Variants in CCDC191 observed in about 807,000 individuals in gnomAD.
The protein encoded by CCDC191 is coiled-coil domain-containing protein 191.
Under a neutral mutation model 114.0 loss-of-function variants are expected in CCDC191, and 99 were observed. The observed-to-expected ratio is 0.87, with a 90% CI of 0.74 to 1.03. The LOEUF is 1.03. Ranked by LOEUF, CCDC191 falls within the 50% of genes least tolerant of loss-of-function variation. CCDC191 has a pLI of 0.00. For synonymous variants in CCDC191, 351 were observed against 376.0 expected (o/e 0.93, Z 0.77); for missense variants, 973 against 1,087.0 (o/e 0.90, Z 1.47).
chr3:114,014,586 C>G (rs951133927), intron 8 of CCDC191, among the ~76,000 whole-genome samples: 1 of 152,208 alleles, frequency 6.6e-6, no homozygotes, highest in African/African-American at 2.4e-5. Context: ...CCTGTTCCTA[C>G]GCAAGACTGC....
At chr3:114,047,885 G>A (rs1055284425) in intron 2 of CCDC191, among the ~76,000 whole-genome samples, 1 of 152,106 alleles carries the variant, frequency 6.6e-6, no homozygotes, top group Non-Finnish European at 1.5e-5. Context: ...TGAGGCATGA[G>A]AATCACTTGA....
intron 1 of CCDC191, among the ~76,000 whole-genome samples, chr3:114,055,234 C>CT (rs537790849): frequency 6.4e-4 from 98 of 152,220 alleles, no homozygotes; most frequent in African/African-American, 2.3e-3. Flanking sequence ...ATGTTTTTAC[C>CT]TTTTTTTCTC....
rs2076460279 is a variant in CCDC191, at chr3:114,034,917, T to C, written c.818+8A>G. The C allele has an allele frequency of 3.7e-6, 6 of 1,612,644 alleles. No individual in the cohort carries two copies. Among genetic ancestry groups the C allele is most frequent in the South Asian group, 1.1e-5 (1 of 90,962 alleles). ...AGAAACCCCACAGTGCTTATCACAC[T>C]GGCTTACATTTTCCATGCTGCTTTC... On this transcript the variant is annotated splice_region_variant and intron_variant, in intron 6 of 16. Transcript: ENST00000295878.
chr3:114,038,335 G>A (rs2076514479), intron 4 of CCDC191, among the ~76,000 whole-genome samples: 1 of 152,144 alleles, frequency 6.6e-6, no homozygotes, highest in African/African-American at 2.4e-5. Flanking sequence ...ATATGAAGGT[G>A]GCCCCATAAG....
In CCDC191 at chr3:114,019,062, A is replaced by C. The variant is rs2076207619; in HGVS notation, c.973-194T>G. Among the ~76,000 whole-genome samples the C allele has an allele frequency of 1.3e-5, 2 of 152,176 alleles. 1 individual carries two copies. Among genetic ancestry groups the C allele is most frequent in the African/African-American group, 4.8e-5 (2 of 41,416 alleles). On this transcript the variant is annotated intron_variant, in intron 7 of 16. Coordinates refer to ENST00000295878, the MANE Select transcript of CCDC191 (RefSeq NM_020817.2). ...ATGACAAGGAATATTCAATCATGCA[A>C]ATGAGGCATTCTCAGCCTCACAACT...
chr3:114,052,268 AG>A (rs747528755), intron 2 of CCDC191, among the ~76,000 whole-genome samples: 2 of 152,254 alleles, frequency 1.3e-5, no homozygotes, highest in Non-Finnish European at 2.9e-5. Flanking sequence ...ATAAAAATTG[AG>A]TCAAGCTGGC....
intron 8 of CCDC191, among the ~76,000 whole-genome samples, chr3:114,016,437 T>G (rs1329591215): frequency 2.0e-5 from 3 of 152,226 alleles, no homozygotes; most frequent in African/African-American, 7.2e-5. Context: ...ATTTACTGTC[T>G]CTGGGCCTTA....
intron 13 of CCDC191, among the ~76,000 whole-genome samples, chr3:113,982,519 A>G (rs2075193180): frequency 6.6e-6 from 1 of 152,168 alleles, no homozygotes; most frequent in African/African-American, 2.4e-5. Flanking sequence ...TAGGGGTTTC[A>G]TAGAACACAG....
At chr3:113,975,570 G>T (rs537836212) in intron 16 of CCDC191, among the ~76,000 whole-genome samples, 8 of 152,278 alleles carry the variant, frequency 5.3e-5, no homozygotes, top group Middle Eastern at 3.4e-3. Context: ...GCAAGATGTG[G>T]TGCTTCCACT....
intron 16 of CCDC191, among the ~76,000 whole-genome samples, chr3:113,976,277 AAAC>A (rs773814104): frequency 1.3e-5 from 2 of 152,010 alleles, no homozygotes; most frequent in Admixed American, 6.6e-5. Flanking sequence ...AAAAAAAACA[AAAC>A]AAAACACAAA....
At chr3:114,041,453 CCTAA>C (rs1289701937) in intron 4 of CCDC191, among the ~76,000 whole-genome samples, 1 of 152,146 alleles carries the variant, frequency 6.6e-6, no homozygotes, top group Non-Finnish European at 1.5e-5. Flanking sequence ...TCTTAATTCT[CCTAA>C]CTAACGGAAA....
chr3:114,049,937 G>A (rs2107762206), intron 2 of CCDC191, among the ~76,000 whole-genome samples: 1 of 152,242 alleles, frequency 6.6e-6, no homozygotes, highest in Admixed American at 6.5e-5. Flanking sequence ...TCCCAGCACT[G>A]GAGTGGGCAT....
At chr3:113,975,945 A>ACTAT (rs757967809) in intron 16 of CCDC191, among the ~76,000 whole-genome samples, 2 of 152,184 alleles carry the variant, frequency 1.3e-5, no homozygotes, top group African/African-American at 4.8e-5. Flanking sequence ...AAATAGGATG[A>ACTAT]CTATCTTACT....
At chr3:113,995,175 C>T (rs1193671870) in intron 13 of CCDC191, among the ~76,000 whole-genome samples, 2 of 152,054 alleles carry the variant, frequency 1.3e-5, no homozygotes, top group African/African-American at 4.8e-5. Flanking sequence ...TCCGTGTTTG[C>T]CAGGGGTTAG....
chr3:114,055,321 TTCA>T (rs752490517), intron 1 of CCDC191, among the ~76,000 whole-genome samples: 37 of 152,326 alleles, frequency 2.4e-4, no homozygotes, highest in Non-Finnish European at 5.0e-4. Context: ...ATTTTTACCT[TTCA>T]TCATCAAGTC....
chr3:114,044,441 T>G (rs908908507), intron 3 of CCDC191, among the ~76,000 whole-genome samples: 5 of 152,264 alleles, frequency 3.3e-5, no homozygotes, highest in Non-Finnish European at 5.9e-5. Context: ...ATCAAACAGC[T>G]CTTTTGTCTA....
At chr3:114,020,322 A>C (rs1423467896) in intron 7 of CCDC191, among the ~76,000 whole-genome samples, 1 of 152,190 alleles carries the variant, frequency 6.6e-6, no homozygotes, top group Non-Finnish European at 1.5e-5. Flanking sequence ...AATTCTTAGA[A>C]ATTGTCTATT....
intron 2 of CCDC191, among the ~76,000 whole-genome samples, chr3:114,051,945 T>A (rs2076703539): frequency 6.6e-6 from 1 of 152,240 alleles, no homozygotes; most frequent in Admixed American, 6.5e-5. Flanking sequence ...TATGTCAATG[T>A]AACCTGAAAA....
chr3:113,975,059 G>C (rs755536607), intron 16 of CCDC191, among the ~76,000 whole-genome samples: 7 of 152,108 alleles, frequency 4.6e-5, no homozygotes, highest in Non-Finnish European at 8.8e-5. Flanking sequence ...TTGACATGTT[G>C]TGTAAAGTTG....
Sources: gnomAD v4.1 joint callset for allele counts (sites outside exome capture counted in the v4.1 genomes callset) on GRCh38, gnomAD v4.1.1 for gene constraint, MANE v1.5 for transcripts, NCBI Gene and HGNC (gene_info 2026-07-23, HGNC 2026-07-21) for gene names.